Variants in ARHGAP39 observed in about 807,000 individuals in gnomAD.
ARHGAP39 encodes rho GTPase-activating protein 39.
ARHGAP39 carries 44 observed loss-of-function variants against 106.9 expected under a neutral mutation model. That is an observed-to-expected ratio of 0.41 (90% CI 0.32 to 0.53). The LOEUF (loss-of-function observed/expected upper bound fraction) is 0.53. Ranked by LOEUF, ARHGAP39 falls within the 20% of genes least tolerant of loss-of-function variation. ARHGAP39 has a pLI of 0.21. For missense variants in ARHGAP39, 1,496 were observed against 1,577.3 expected, an observed-to-expected ratio of 0.95 and a Z score of 0.87; for synonymous variants, 768 against 693.2, an observed-to-expected ratio of 1.11 and a Z score of -1.69.
At chr8:144,682,187 G>C (rs2129769888) in intron 1 of ARHGAP39, among the ~76,000 whole-genome samples, 1 of 138,338 alleles carries the variant, frequency 7.2e-6, no homozygotes, top group Non-Finnish European at 1.5e-5. Flanking sequence ...GGAGCTTACA[G>C]CAAGCCGAGA....
At position 144,587,654 on chromosome 8, in the gene ARHGAP39, CTTTT is replaced by C. The variant is rs1182233262; in HGVS notation, c.81-6381_81-6378del. Among the ~76,000 whole-genome samples the C allele has an allele frequency of 1.3e-3, 183 of 136,080 alleles. 3 individuals are homozygous for C. The highest frequency in any genetic ancestry group is 8.2e-4 in the Admixed American group (11 of 13,488). The allele number at this position is 136,080 out of a possible 152,430, so 89.3% of individuals were successfully genotyped here. ...CGAGGAAGAGTGAGGGGCAGAGAGA[CTTTT>C]TTTTTTTTTTTTTTGAGACGGAGTC... On this transcript the variant is annotated intron_variant, in intron 2 of 11. Transcript: ENST00000377307.
In ARHGAP39 at chr8:144,604,392, T is replaced by C. The variant is rs962345182; in HGVS notation, c.80+1143A>G. ...GAACTCTCTATTTTACTTTATTTACTGTGACACGGGGGTCTCACGCAGTCG... is the reference window on the plus strand; with the variant it reads ...GAACTCTCTATTTTACTTTATTTACCGTGACACGGGGGTCTCACGCAGTCG... On this transcript the variant is annotated intron_variant, in intron 2 of 11. Transcript: ENST00000377307. This position sits in a 1 kb window ranked among gnomAD's most constrained non-coding sequence, Gnocchi z 4.1. Among the ~76,000 whole-genome samples, 2 of 152,174 alleles carry C rather than the reference T, an allele frequency of 1.3e-5. No homozygotes were observed. The highest frequency in any genetic ancestry group is 1.3e-4 in the Admixed American group (2 of 15,286).
rs1429313797 is a variant in ARHGAP39, at chr8:144,548,036, G to T, written c.1050C>A (p.Gly350=). Residue 350 remains glycine (G), a synonymous_variant, in exon 5 of 12, where the codon GGC becomes GGA. Coordinates refer to ENST00000377307, the MANE Select transcript of ARHGAP39 (RefSeq NM_025251.3). The surrounding 1 kb of genome is among the most constrained non-coding windows in gnomAD (Gnocchi z 7.4). ...GCTGGAGGAACGGCCGGGGCTTACG[G>T]CCCGGCGACCGCTGGGGAGAGCCGG... ...YQAGSPQRSP[G]RKPRPFLQPN... The T allele has an allele frequency of 6.2e-7, 1 of 1,604,962 alleles. No individual in the cohort carries two copies. Among genetic ancestry groups the T allele is most frequent in the Non-Finnish European group, 8.5e-7 (1 of 1,176,986 alleles).
chr8:144,601,354 G>A (rs779634853), intron 2 of ARHGAP39, among the ~76,000 whole-genome samples: 211 of 143,714 alleles, frequency 1.5e-3, no homozygotes, highest in Non-Finnish European at 2.2e-3. Context: ...ACCTGTGTGC[G>A]TGTGCGAGCT....
chr8:144,548,405 G>A lies in ARHGAP39; in HGVS notation c.681C>T (p.Ala227=). 5.0e-6 allele frequency: 8 copies of A among 1,610,816 alleles called. No homozygotes were observed. The highest frequency in any genetic ancestry group is 6.8e-6 in the Non-Finnish European group (8 of 1,179,548). The change falls in exon 5 of 12, where the codon GCC becomes GCT. Residue 227 remains alanine, a synonymous_variant. Coordinates refer to ENST00000377307, the MANE Select transcript of ARHGAP39 (RefSeq NM_025251.3). The surrounding 1 kb of genome is among the most constrained non-coding windows in gnomAD (Gnocchi z 7.4). ...CGTCTGGGGCGTAGCCATTGCCCTGGGCGGCGAGGAAGCTGGGCTCCCGAT... is the reference window on the plus strand; with the variant it reads ...CGTCTGGGGCGTAGCCATTGCCCTGAGCGGCGAGGAAGCTGGGCTCCCGAT... ...VADREPSFLA[A]QGNGYAPDGP...
At chr8:144,663,024 C>T (rs531772154) in intron 1 of ARHGAP39, among the ~76,000 whole-genome samples, 78 of 149,230 alleles carry the variant, frequency 5.2e-4, no homozygotes, top group Non-Finnish European at 9.8e-4. Context: ...CTTTGGGCCG[C>T]TCCTCACCTC....
At chr8:144,557,818 C>T (rs1335975649) in intron 3 of ARHGAP39, among the ~76,000 whole-genome samples, 1 of 152,208 alleles carries the variant, frequency 6.6e-6, no homozygotes, top group Non-Finnish European at 1.5e-5. Context: ...CCATGAAAGT[C>T]AGGGCAAGAA....
At position 144,530,690 on chromosome 8, in the gene ARHGAP39, G is replaced by C. The variant is rs1455526150; in HGVS notation, c.3150+12C>G. 1 of 1,582,818 alleles carries C rather than the reference G, an allele frequency of 6.3e-7. No individual in the cohort carries two copies. Among genetic ancestry groups the C allele is most frequent in the East Asian group, 2.3e-5 (1 of 43,210 alleles). ...AGGGGAAAGCAGCGGGGACCCCCGG[G>C]GAGGGAAGTACCTGCAGGAAGCGGA... On this transcript the variant is annotated intron_variant, in intron 11 of 11. Coordinates refer to ENST00000377307, the MANE Select transcript of ARHGAP39 (RefSeq NM_025251.3).
chr8:144,541,306 G>C lies in ARHGAP39; in HGVS notation c.2522-3493C>G, dbSNP rs1054194680. ...CATCGGCCCAGGATTTACCGTTTGT[G>C]GTCCACATGCTCCACCTTCTAAAAC... On this transcript the variant is annotated intron_variant, in intron 6 of 11. Coordinates refer to ENST00000377307, the MANE Select transcript of ARHGAP39 (RefSeq NM_025251.3). Among the ~76,000 whole-genome samples the C allele has an allele frequency of 1.3e-5, 2 of 152,144 alleles. 1 individual carries two copies. Among genetic ancestry groups the C allele is most frequent in the South Asian group, 4.2e-4 (2 of 4,818 alleles).
rs115871906 is a variant in ARHGAP39 at position 144,539,008 on chromosome 8, C to T, written c.2522-1195G>A. 3.9e-3 allele frequency among the ~76,000 whole-genome samples: 590 copies of T among 152,200 alleles called. 4 individuals are homozygous for T. Among genetic ancestry groups the T allele is most frequent in the African/African-American group, 0.014 (570 of 41,506 alleles). On this transcript the variant is annotated intron_variant, in intron 6 of 11. Transcript: ENST00000377307. Reference sequence around the variant, plus strand: ...CTGTGACAGGCGTCACCCCCACCTCCGGCACTTCCTCACTTTTGACTACAT... The same window carrying T: ...CTGTGACAGGCGTCACCCCCACCTCTGGCACTTCCTCACTTTTGACTACAT...
intron 1 of ARHGAP39, among the ~76,000 whole-genome samples, chr8:144,653,678 G>T (rs1449646857): frequency 2.0e-5 from 3 of 152,084 alleles, no homozygotes; most frequent in Non-Finnish European, 4.4e-5. Flanking sequence ...TGGTGGAGAG[G>T]GAGCCACAGC....
At chr8:144,668,992 G>C (rs1822030003) in intron 1 of ARHGAP39, among the ~76,000 whole-genome samples, 1 of 151,994 alleles carries the variant, frequency 6.6e-6, no homozygotes, top group Non-Finnish European at 1.5e-5. Context: ...GCACAGAGTT[G>C]AGTTCAGAAA....
chr8:144,662,205 C>T (rs369588204), intron 1 of ARHGAP39, among the ~76,000 whole-genome samples: 33 of 151,320 alleles, frequency 2.2e-4, no homozygotes, highest in South Asian at 1.0e-3. Flanking sequence ...CCCCATTATC[C>T]GCCTTGGACC....
At chr8:144,580,599 C>T (rs1435217019) in intron 3 of ARHGAP39, among the ~76,000 whole-genome samples, 1 of 151,196 alleles carries the variant, frequency 6.6e-6, no homozygotes, top group Non-Finnish European at 1.5e-5. Context: ...GCCCTGCCCA[C>T]CATACCTGAC....
chr8:144,595,389 C>T (rs1356230934), intron 2 of ARHGAP39, among the ~76,000 whole-genome samples: 3 of 152,182 alleles, frequency 2.0e-5, no homozygotes, highest in Non-Finnish European at 4.4e-5. Flanking sequence ...CCACAGGACA[C>T]AAAGCCGGCC....
In ARHGAP39 at chr8:144,545,346, C is replaced by G; in HGVS notation, c.2424G>C (p.Met808Ile). Residue 808 changes from methionine to isoleucine, a missense_variant, in exon 6 of 12, where the codon ATG (methionine) becomes ATC (isoleucine). Around this residue, in one of 4 missense-constraint regions of ARHGAP39, gnomAD observed 470 missense variants for 605.1 expected, o/e 0.78. Coordinates refer to ENST00000377307, the MANE Select transcript of ARHGAP39 (RefSeq NM_025251.3). ...GCGGGAAAAAGGCCAGGCAGATGGC[C>G]ATGAGCTCCCAGCCGCGGGCCAGGC... ...LESLARGWEL[M>I]AICLAFFPPT... The G allele has an allele frequency of 6.2e-7, 1 of 1,600,620 alleles. No individual in the cohort carries two copies. The highest frequency in any genetic ancestry group is 8.5e-7 in the Non-Finnish European group (1 of 1,171,058).
chr8:144,664,758 C>A (rs1467060485), intron 1 of ARHGAP39, among the ~76,000 whole-genome samples: 1 of 152,220 alleles, frequency 6.6e-6, no homozygotes, highest in Non-Finnish European at 1.5e-5. Flanking sequence ...TAAGAAGTGC[C>A]TTTCACCACC....
At chr8:144,530,641 C>A in intron 11 of ARHGAP39, 25 bp from the exon 12 acceptor site, 1 of 299,128 alleles carries the variant, frequency 3.3e-6, no homozygotes, top group Non-Finnish European at 4.3e-6. Flanking sequence ...AGGGTGGGCG[C>A]GGAGGGGCGG....
At chr8:144,603,124 T>C (rs1820131055) in intron 2 of ARHGAP39, among the ~76,000 whole-genome samples, 1 of 144,322 alleles carries the variant, frequency 6.9e-6, no homozygotes, top group Admixed American at 6.9e-5. Context: ...TGGAGGCGTG[T>C]GTGTGCTGGT....
Sources: allele counts gnomAD v4.1 joint callset (sites outside exome capture counted in the v4.1 genomes callset), GRCh38; gene constraint gnomAD v4.1.1; regional missense constraint gnomAD v4.1.1; non-coding constraint Gnocchi (gnomAD v3.1); transcripts MANE v1.5; gene names NCBI Gene and HGNC (gene_info 2026-07-23, HGNC 2026-07-21).